The following PRKCH variants were observed in gnomAD, a reference collection of about 807,000 sequenced individuals.
PRKCH encodes protein kinase C eta, also known as protein kinase C eta type.
PRKCH carries 28 observed loss-of-function variants against 82.5 expected under a neutral mutation model. That is an observed-to-expected ratio of 0.34 (90% CI 0.25 to 0.47). The LOEUF (loss-of-function observed/expected upper bound fraction) is 0.47. PRKCH is among the 20% of genes least tolerant of loss of function. The probability of loss-of-function intolerance (pLI) is 1.00; values close to 1 mark genes in which losing one functional copy is unlikely to be tolerated. For missense variants in PRKCH, 705 were observed against 881.8 expected (o/e 0.80, Z 2.54); for synonymous variants, 322 against 327.4 (o/e 0.98, Z 0.18).
chr14:61,482,037 CCAGG>C (rs1235502265), intron 9 of PRKCH, among the ~76,000 whole-genome samples: 1 of 146,288 alleles, frequency 6.8e-6, no homozygotes, highest in Non-Finnish European at 1.5e-5. Context: ...CCTCTGTCTC[CCAGG>C]CTGGAGTGCA....
chr14:61,243,125 C>A (rs913624161), intron 1 of PRKCH, among the ~76,000 whole-genome samples: 7 of 151,958 alleles, frequency 4.6e-5, no homozygotes, highest in African/African-American at 1.7e-4. Flanking sequence ...TGGCTGGGCA[C>A]AGTTCACGCC....
At chr14:61,267,283 G>T (rs2045111561) in intron 1 of PRKCH, among the ~76,000 whole-genome samples, 1 of 152,190 alleles carries the variant, frequency 6.6e-6, no homozygotes, top group Non-Finnish European at 1.5e-5. Context: ...TTCAGATTGA[G>T]AGAGTACAGC....
At chr14:61,404,854 A>G (rs1252964715) in intron 2 of PRKCH, among the ~76,000 whole-genome samples, 1 of 152,232 alleles carries the variant, frequency 6.6e-6, no homozygotes, top group African/African-American at 2.4e-5. Context: ...TAAGGGTTGC[A>G]GCAGGGAGAG....
rs559237185 is a variant in PRKCH at position 61,249,312 on chromosome 14, C to T, written c.-19+61644C>T. On this transcript the variant is annotated intron_variant, in intron 1 of 3. Transcript: ENST00000555185. ...TCTAACAATTATGGCTGGGACACAG[C>T]GCCCTTCTCTAGAAATGAGTGCTAG... 6.8e-4 allele frequency among the ~76,000 whole-genome samples: 104 copies of T among 152,264 alleles called. 1 individual carries two copies. Among genetic ancestry groups the T allele is most frequent in the Non-Finnish European group, 1.3e-3 (90 of 68,010 alleles).
intron 9 of PRKCH, among the ~76,000 whole-genome samples, chr14:61,468,091 G>A (rs1359772412): frequency 1.3e-5 from 2 of 152,178 alleles, no homozygotes; most frequent in Non-Finnish European, 2.9e-5. Flanking sequence ...GTCATTAGAC[G>A]GGAATAGAGG....
At chr14:61,407,656 G>T (rs767757) in intron 2 of PRKCH, among the ~76,000 whole-genome samples, 79,155 of 151,988 alleles carry the variant, frequency 0.52, 23,037 homozygotes, top group Non-Finnish European at 0.65. Context: ...TCGGGTGTTG[G>T]ACGTCCTCAT....
chr14:61,432,213 T>C (rs1475658393), intron 2 of PRKCH, among the ~76,000 whole-genome samples: 1 of 152,202 alleles, frequency 6.6e-6, no homozygotes, highest in Non-Finnish European at 1.5e-5. Flanking sequence ...TCCTGGCTTA[T>C]GTGCATTTCC....
chr14:61,228,776 C>T (rs1435577657), intron 1 of PRKCH, among the ~76,000 whole-genome samples: 9 of 152,074 alleles, frequency 5.9e-5, no homozygotes, highest in African/African-American at 2.2e-4. Flanking sequence ...TACCGTGGCT[C>T]ATGCCGCTAA....
intron 1 of PRKCH, among the ~76,000 whole-genome samples, chr14:61,272,700 TG>T (rs1414726669): frequency 1.3e-5 from 2 of 152,192 alleles, no homozygotes; most frequent in Admixed American, 1.3e-4. Context: ...AGGCTAAAAA[TG>T]GTCTGTACCC....
chr14:61,321,038 T>C (rs2045612432), upstream of PRKCH, among the ~76,000 whole-genome samples: 1 of 152,208 alleles, frequency 6.6e-6, no homozygotes, highest in Admixed American at 6.5e-5. The surrounding 1 kb of genome is among the most constrained non-coding windows in gnomAD (Gnocchi z 4.1). Context: ...ACTACTGCCC[T>C]ATTAAAACAC....
At chr14:61,451,085 T>C (rs778712269) in intron 6 of PRKCH, 114 bp downstream of exon 6, 23 of 1,260,788 alleles carry the variant, frequency 1.8e-5, no homozygotes, top group Non-Finnish European at 2.5e-5. Context: ...AGATATGTTG[T>C]AAATCAACAT....
intron 1 of PRKCH, among the ~76,000 whole-genome samples, chr14:61,196,164 G>C (rs2044441244): frequency 1.3e-5 from 2 of 152,174 alleles, no homozygotes; most frequent in East Asian, 3.9e-4. Context: ...ATTGGATCCT[G>C]GAGGGAAGGA....
At chr14:61,417,412 G>C (rs1233660453) in intron 2 of PRKCH, among the ~76,000 whole-genome samples, 2 of 152,230 alleles carry the variant, frequency 1.3e-5, no homozygotes, top group Non-Finnish European at 2.9e-5. Flanking sequence ...AGCAGAGACT[G>C]CTCTTCAAAT....
intron 1 of PRKCH, among the ~76,000 whole-genome samples, chr14:61,215,032 T>C (rs2044607228): frequency 6.6e-6 from 1 of 152,180 alleles, no homozygotes; most frequent in South Asian, 2.1e-4. Context: ...CGATTGCATT[T>C]ATCTTATTAA....
chr14:61,354,511 G>A (rs2046123773), intron 1 of PRKCH, among the ~76,000 whole-genome samples: 4 of 150,898 alleles, frequency 2.7e-5, no homozygotes, highest in Admixed American at 2.6e-4. Context: ...TTTAGGGGTT[G>A]TTTTCTTAGG....
chr14:61,243,222 C>T (rs1437481182), intron 1 of PRKCH, among the ~76,000 whole-genome samples: 1 of 151,442 alleles, frequency 6.6e-6, no homozygotes, highest in Admixed American at 6.6e-5. Context: ...TAGCAAAACC[C>T]CATCTCTACT....
intron 9 of PRKCH, 66 bp from the exon 10 acceptor site, chr14:61,485,436 T>C: frequency 6.4e-7 from 1 of 1,555,486 alleles, no homozygotes. Context: ...TTAGGCAATA[T>C]GCTGCTGATG....
At position 61,474,923 on chromosome 14, in the gene PRKCH, T is replaced by C. The variant is rs932149642; in HGVS notation, c.1279-10579T>C. Among the ~76,000 whole-genome samples, 5 of 152,174 alleles carry C rather than the reference T, an allele frequency of 3.3e-5. No individual in the cohort carries two copies. In the South Asian group the frequency reaches 1.0e-3, roughly 32 times the overall value. Reference sequence around the variant, plus strand: ...GGAGAGGAAATGAATTCTCAGCCAGTAGATTCCCAGGCATCACCTTGAGGC... The same window carrying C: ...GGAGAGGAAATGAATTCTCAGCCAGCAGATTCCCAGGCATCACCTTGAGGC... On this transcript the variant is annotated intron_variant, in intron 9 of 13. Transcript: ENST00000332981.
chr14:61,280,643 G>A lies in PRKCH; in HGVS notation c.-19+92975G>A. 1 of 1,572,728 alleles carries A rather than the reference G, an allele frequency of 6.4e-7. No individual in the cohort carries two copies. Among genetic ancestry groups the A allele is most frequent in the Non-Finnish European group, 8.6e-7 (1 of 1,159,834 alleles). On this transcript the variant is annotated intron_variant, in intron 1 of 3. Coordinates refer to the PRKCH transcript ENST00000555185. This position sits in a 1 kb window ranked among gnomAD's most constrained non-coding sequence, Gnocchi z 5.0. ...CAAAGCGAGAAGGAGTCGTTGAAGA[G>A]GCTGTTGGCGATGGCGCCGCAGGGC...
Sources: allele counts gnomAD v4.1 joint callset (sites outside exome capture counted in the v4.1 genomes callset), GRCh38; gene constraint gnomAD v4.1.1; non-coding constraint Gnocchi (gnomAD v3.1); transcripts MANE v1.5; gene names NCBI Gene and HGNC (gene_info 2026-07-23, HGNC 2026-07-21).